The following SPECC1 variants were observed in gnomAD, a reference collection of about 807,000 sequenced individuals.
SPECC1 encodes sperm antigen with calponin homology and coiled-coil domains 1.
Under a neutral mutation model 104.1 loss-of-function variants are expected in SPECC1, and 62 were observed. The ratio of observed to expected loss-of-function variants is 0.60; its 90% CI spans 0.49 to 0.74. The LOEUF is 0.74. SPECC1 is among the 30% of genes least tolerant of loss of function. The probability of loss-of-function intolerance (pLI) is 0.00; values close to 1 mark genes in which losing one functional copy is unlikely to be tolerated. For synonymous variants in SPECC1, 513 were observed against 501.6 expected (o/e 1.02, Z -0.30); for missense variants, 1,306 against 1,310.5 (o/e 1.00, Z 0.05).
At chr17:20,296,161 A>G (rs2041343727) in intron 12 of SPECC1, among the ~76,000 whole-genome samples, 1 of 152,206 alleles carries the variant, frequency 6.6e-6, no homozygotes, top group Non-Finnish European at 1.5e-5. Context: ...TAGGTCTAAC[A>G]TTTAAGTCTT....
intron 4 of SPECC1, among the ~76,000 whole-genome samples, chr17:20,213,580 A>G (rs2037299118): frequency 6.6e-6 from 1 of 152,226 alleles, no homozygotes; most frequent in African/African-American, 2.4e-5. Context: ...TTGTAATACA[A>G]TGGAGAAATT....
At chr17:20,266,455 G>C (rs574080778) in intron 12 of SPECC1, among the ~76,000 whole-genome samples, 20 of 152,166 alleles carry the variant, frequency 1.3e-4, no homozygotes, top group African/African-American at 4.3e-4. Flanking sequence ...GTGGTGGCAC[G>C]CACCTGTGGT....
chr17:20,085,230 C>A (rs7209734), intron 1 of SPECC1, among the ~76,000 whole-genome samples: 75,407 of 151,928 alleles, frequency 0.5, 19,220 homozygotes, highest in Middle Eastern at 0.56. Context: ...CCTTATCCTC[C>A]AACAAAGAGG....
chr17:20,297,885 G>A (rs913441732), intron 13 of SPECC1, among the ~76,000 whole-genome samples: 3 of 152,170 alleles, frequency 2.0e-5, no homozygotes, highest in East Asian at 1.9e-4. Context: ...CAATAGAGAC[G>A]TTCTATGCCC....
chr17:20,099,285 CAA>C (rs1491556404), intron 2 of SPECC1, among the ~76,000 whole-genome samples: 1 of 151,740 alleles, frequency 6.6e-6, no homozygotes, highest in African/African-American at 2.4e-5. Flanking sequence ...TTTCTATATC[CAA>C]TAAGCAACAT....
intron 7 of SPECC1, chr17:20,239,303 T>A: frequency 9.9e-7 from 1 of 1,011,310 alleles, no homozygotes; most frequent in Non-Finnish European, 1.2e-6. Context: ...ATATTAATCT[T>A]TCTTCTCCCT....
At chr17:20,110,697 T>A (rs561125075) in intron 3 of SPECC1, 135 bp downstream of exon 3, 44 of 1,104,720 alleles carry the variant, frequency 4.0e-5, no homozygotes, top group Non-Finnish European at 5.3e-5. Flanking sequence ...CGGAACTGTT[T>A]TAGGCAGACG....
At chr17:20,240,571 C>T (rs2039157801) in intron 7 of SPECC1, among the ~76,000 whole-genome samples, 1 of 151,964 alleles carries the variant, frequency 6.6e-6, no homozygotes, top group Non-Finnish European at 1.5e-5. Context: ...TTTGATCCAC[C>T]TCTCTTTATT....
intron 3 of SPECC1, among the ~76,000 whole-genome samples, chr17:20,157,657 ACTGATTGGATGC>A (rs1237214432): frequency 6.6e-6 from 1 of 152,172 alleles, no homozygotes; most frequent in African/African-American, 2.4e-5. Context: ...AGCTTTTAAG[ACTGATTGGATGC>A]CTGTGTTCCA....
chr17:20,030,042 G>A (rs1473086610), intron 1 of SPECC1, among the ~76,000 whole-genome samples: 1 of 152,108 alleles, frequency 6.6e-6, no homozygotes, highest in Non-Finnish European at 1.5e-5. Flanking sequence ...GCCTTCACAG[G>A]GAGCATGGCC....
intron 1 of SPECC1, among the ~76,000 whole-genome samples, chr17:20,089,433 C>A (rs533287207): frequency 1.3e-5 from 2 of 151,462 alleles, no homozygotes; most frequent in East Asian, 3.9e-4. Flanking sequence ...TTGAGACCAG[C>A]CTAGGCAACA....
intron 3 of SPECC1, among the ~76,000 whole-genome samples, chr17:20,118,114 ATAAT>A (rs983330431): frequency 1.6e-5 from 2 of 125,162 alleles, no homozygotes; most frequent in African/African-American, 7.9e-5. Context: ...CAATAAATAA[ATAAT>A]AAATAAATAA....
intron 1 of SPECC1, among the ~76,000 whole-genome samples, chr17:20,051,086 T>C (rs1447836904): frequency 1.1e-5 from 1 of 88,934 alleles, no homozygotes; most frequent in African/African-American, 5.0e-5. Flanking sequence ...CTTTCTTTCT[T>C]TCTTTCTTTC....
intron 3 of SPECC1, among the ~76,000 whole-genome samples, chr17:20,162,605 ATTC>A (rs1412381238): frequency 6.6e-6 from 1 of 152,206 alleles, no homozygotes; most frequent in Non-Finnish European, 1.5e-5. Flanking sequence ...TTAGCTGTTA[ATTC>A]TTCTTAACCC....
chr17:20,148,853 G>T (rs1370280722), intron 3 of SPECC1, among the ~76,000 whole-genome samples: 1 of 152,012 alleles, frequency 6.6e-6, no homozygotes, highest in South Asian at 2.1e-4. Flanking sequence ...CCGAGTAGCC[G>T]AGATTACAGG....
chr17:20,055,718 A>T (rs1325274637), intron 1 of SPECC1, among the ~76,000 whole-genome samples: 1 of 152,204 alleles, frequency 6.6e-6, no homozygotes, highest in Admixed American at 6.5e-5. Flanking sequence ...TTTGGGGATG[A>T]GGGTTCTGGC....
chr17:20,016,390 G>T (rs976960847), intron 1 of SPECC1, among the ~76,000 whole-genome samples: 4 of 152,198 alleles, frequency 2.6e-5, no homozygotes, highest in Non-Finnish European at 4.4e-5. Context: ...TCAGCCCACC[G>T]CTGCACTGTG....
At chr17:20,106,913 T>C (rs967947571) in intron 2 of SPECC1, among the ~76,000 whole-genome samples, 1 of 151,430 alleles carries the variant, frequency 6.6e-6, no homozygotes, top group East Asian at 1.9e-4. Flanking sequence ...TCCTAGCACT[T>C]TGGGAGGCTG....
At chr17:20,069,100 G>A (rs922220042) in intron 1 of SPECC1, among the ~76,000 whole-genome samples, 4 of 152,118 alleles carry the variant, frequency 2.6e-5, no homozygotes, top group African/African-American at 9.7e-5. Context: ...TACCTTTTCT[G>A]CTCCCTCCTC....
Sources: allele counts gnomAD v4.1 joint callset (sites outside exome capture counted in the v4.1 genomes callset), GRCh38; gene constraint gnomAD v4.1.1; transcripts MANE v1.5; gene names NCBI Gene and HGNC (gene_info 2026-07-23, HGNC 2026-07-21).